The following C10orf90 variants were observed in gnomAD, a reference collection of about 807,000 sequenced individuals.
C10orf90 encodes chromosome 10 open reading frame 90, also known as (E2-independent) E3 ubiquitin-conjugating enzyme FATS.
Under a neutral mutation model 62.5 loss-of-function variants are expected in C10orf90, and 56 were observed. The observed-to-expected ratio is 0.90, with a 90% CI of 0.72 to 1.12. C10orf90 has a LOEUF of 1.12. Ranked by LOEUF, C10orf90 falls within the 50% of genes most tolerant of loss-of-function variation. The pLI, the probability that C10orf90 is intolerant of heterozygous loss-of-function variation, is 0.00. For synonymous variants in C10orf90, 386 were observed against 340.4 expected (o/e 1.13, Z -1.47); for missense variants, 970 against 880.4 (o/e 1.10, Z -1.29).
At chr10:126,533,128 G>T (rs113642486) in intron 2 of C10orf90, among the ~76,000 whole-genome samples, 3 of 151,764 alleles carry the variant, frequency 2.0e-5, no homozygotes, top group African/African-American at 7.2e-5. Flanking sequence ...TAGAGATGGG[G>T]TTTCACCATG....
intron 2 of C10orf90, among the ~76,000 whole-genome samples, chr10:126,581,876 AG>A (rs1844759751): frequency 6.6e-6 from 1 of 152,200 alleles, no homozygotes; most frequent in Non-Finnish European, 1.5e-5. Context: ...GTGCTGTGGA[AG>A]GAGACCTGGG....
chr10:126,577,229 A>G (rs1844645607), intron 2 of C10orf90, among the ~76,000 whole-genome samples: 1 of 151,988 alleles, frequency 6.6e-6, no homozygotes, highest in Non-Finnish European at 1.5e-5. Context: ...TGCATTGTAT[A>G]TATCAAAACA....
At chr10:126,593,374 A>T (rs572143345) in intron 2 of C10orf90, among the ~76,000 whole-genome samples, 20 of 152,352 alleles carry the variant, frequency 1.3e-4, no homozygotes, top group Admixed American at 9.1e-4. Flanking sequence ...AAACAAAATC[A>T]TGTCCTTTGC....
intron 2 of C10orf90, among the ~76,000 whole-genome samples, chr10:126,612,068 C>T (rs1845445492): frequency 6.6e-6 from 1 of 152,226 alleles, no homozygotes; most frequent in Non-Finnish European, 1.5e-5. Context: ...CGCCTATAAT[C>T]CCAGCACTTT....
At chr10:126,565,247 T>TA (rs1844335241) in intron 2 of C10orf90, among the ~76,000 whole-genome samples, 3 of 29,968 alleles carry the variant, frequency 1.0e-4, no homozygotes, top group African/African-American at 3.2e-4. Flanking sequence ...AATATAATAT[T>TA]TATTATATTA....
intron 2 of C10orf90, among the ~76,000 whole-genome samples, chr10:126,622,706 C>G (rs1468486898): frequency 1.3e-5 from 2 of 152,182 alleles, no homozygotes; most frequent in Non-Finnish European, 2.9e-5. Flanking sequence ...CTCCATTCCC[C>G]TGAAACCTGA....
At chr10:126,515,385 C>T (rs2133923685) in intron 2 of C10orf90, among the ~76,000 whole-genome samples, 1 of 152,302 alleles carries the variant, frequency 6.6e-6, no homozygotes, top group Middle Eastern at 3.4e-3. Context: ...GGGAATTGTC[C>T]TATACAGGTA....
chr10:126,567,063 C>G (rs1447082929), intron 2 of C10orf90, among the ~76,000 whole-genome samples: 4 of 152,132 alleles, frequency 2.6e-5, no homozygotes, highest in Non-Finnish European at 5.9e-5. Context: ...AGAGGGGACC[C>G]TGCGGGGAGC....
At position 126,602,867 on chromosome 10, in the gene C10orf90, G is replaced by A. The variant is rs147852555; in HGVS notation, c.313+43698C>T. Among the ~76,000 whole-genome samples, 11 of 150,064 alleles carry A rather than the reference G, an allele frequency of 7.3e-5. No individual in the cohort carries two copies. The East Asian group carries it at 1.6e-3, about 21-fold the overall frequency. On this transcript the variant is annotated intron_variant, in intron 2 of 9. Transcript: ENST00000488181. ...TGTGGTCATGTCTATTCATCCTCTT[G>A]TTGAAATACATTCCAAAGGGCAGTT...
rs1259750152 is a variant in C10orf90 at position 126,524,825 on chromosome 10, G to C, written c.314-10886C>G. ...ATCGAGGGAGGGCATGTGTGAGAGGGAGGCAGTCTCCACTTTAGCTTGCTT... is the reference window on the plus strand; with the variant it reads ...ATCGAGGGAGGGCATGTGTGAGAGGCAGGCAGTCTCCACTTTAGCTTGCTT... On this transcript the variant is annotated intron_variant, in intron 2 of 9. Transcript: ENST00000488181. The C allele has an allele frequency of 6.1e-6, 6 of 985,404 alleles. No homozygotes were observed. The Admixed American group carries it at 3.1e-4, about 50-fold the overall frequency. 61.0% of individuals were successfully genotyped at this position (985,404 alleles called of 1,614,324 possible).
chr10:126,607,995 TG>T (rs2133795883), intron 2 of C10orf90, among the ~76,000 whole-genome samples: 1 of 152,224 alleles, frequency 6.6e-6, no homozygotes, highest in African/African-American at 2.4e-5. Flanking sequence ...AAAGAGGGAA[TG>T]GGGAATTGTT....
chr10:126,470,489 G>A (rs7895334), intron 4 of C10orf90, among the ~76,000 whole-genome samples: 20,137 of 152,170 alleles, frequency 0.13, 1,426 homozygotes, highest in Middle Eastern at 0.22. Context: ...CAGCATGTTG[G>A]GAGGCTGAGG....
chr10:126,425,643 G>A lies in C10orf90; in HGVS notation c.*221C>T, dbSNP rs1857219451. The stretch of plus-strand genomic sequence containing the variant: ...TGTATCCAGTGGGTTACATGGAGGT[G>A]GTTTCCCCACAACAGATTGTTGACC... On this transcript the variant is annotated 3_prime_UTR_variant, in exon 10 of 10. Coordinates refer to ENST00000488181, the MANE Select transcript of C10orf90 (RefSeq NM_001350921.2). 1.7e-6 allele frequency: 1 copy of A among 578,442 alleles called. No individual in the cohort carries two copies. Among genetic ancestry groups the A allele is most frequent in the Non-Finnish European group, 3.0e-6 (1 of 331,174 alleles). The allele number at this position is 578,442 out of a possible 1,614,324, so 35.8% of individuals were successfully genotyped here.
intron 2 of C10orf90, among the ~76,000 whole-genome samples, chr10:126,572,924 C>T (rs1165429669): frequency 1.3e-5 from 2 of 152,094 alleles, no homozygotes; most frequent in African/African-American, 4.8e-5. Context: ...TTTAGCATAT[C>T]ATCAAGAAAT....
At chr10:126,523,211 G>A (rs981873347) in intron 2 of C10orf90, among the ~76,000 whole-genome samples, 2 of 152,186 alleles carry the variant, frequency 1.3e-5, no homozygotes, top group African/African-American at 4.8e-5. Context: ...AGGGTGGGTT[G>A]TTCCAGCTTT....
chr10:126,536,515 T>C (rs370480981), intron 2 of C10orf90, among the ~76,000 whole-genome samples: 2 of 152,054 alleles, frequency 1.3e-5, no homozygotes, highest in Admixed American at 6.5e-5. Flanking sequence ...AAGCACAGGG[T>C]TGGAGCAGCT....
chr10:126,507,223 G>A (rs957999530), intron 3 of C10orf90, among the ~76,000 whole-genome samples: 2 of 151,858 alleles, frequency 1.3e-5, no homozygotes, highest in South Asian at 2.1e-4. Flanking sequence ...TGGGCGTGGT[G>A]GCAGGCGCCT....
intron 2 of C10orf90, among the ~76,000 whole-genome samples, chr10:126,552,132 G>C (rs1218662592): frequency 6.6e-6 from 1 of 152,146 alleles, no homozygotes; most frequent in Non-Finnish European, 1.5e-5. Context: ...TAGAGCTTTA[G>C]GGTCATCAGT....
intron 7 of C10orf90, among the ~76,000 whole-genome samples, chr10:126,450,366 T>C (rs1859097344): frequency 6.6e-6 from 1 of 152,198 alleles, no homozygotes; most frequent in Admixed American, 6.5e-5. Context: ...CATATGAATC[T>C]GCAGACGACT....
Sources: gnomAD v4.1 joint callset for allele counts (sites outside exome capture counted in the v4.1 genomes callset) on GRCh38, gnomAD v4.1.1 for gene constraint, MANE v1.5 for transcripts, NCBI Gene and HGNC (gene_info 2026-07-23, HGNC 2026-07-21) for gene names.